GPC6: variants seen among roughly 807,000 people sequenced by gnomAD.
GPC6 encodes the protein glypican 6.
GPC6 carries 14 observed loss-of-function variants against 55.2 expected under a neutral mutation model. The ratio of observed to expected loss-of-function variants is 0.25; its 90% CI spans 0.17 to 0.40. GPC6 has a LOEUF of 0.40. Ranked by LOEUF, GPC6 falls within the 10% of genes least tolerant of loss-of-function variation. The pLI is 1.00. For synonymous variants in GPC6, 278 were observed against 259.6 expected (o/e 1.07, Z -0.68); for missense variants, 641 against 708.5 (o/e 0.90, Z 1.08).
chr13:93,676,126 AATAT>A (rs764101821), intron 2 of GPC6, among the ~76,000 whole-genome samples: 795 of 15,122 alleles, frequency 0.053, 7 homozygotes, highest in Non-Finnish European at 0.11. Flanking sequence ...AAAAAAAAAA[AATAT>A]ATATATATAT....
At chr13:94,259,753 C>T (rs959149533) in intron 4 of GPC6, among the ~76,000 whole-genome samples, 1 of 152,152 alleles carries the variant, frequency 6.6e-6, no homozygotes, top group Non-Finnish European at 1.5e-5. Flanking sequence ...ACTGGAATCA[C>T]ATAGTATTTG....
chr13:94,331,894 A>AGAG (rs1293591317), intron 6 of GPC6, among the ~76,000 whole-genome samples: 1 of 152,266 alleles, frequency 6.6e-6, no homozygotes, highest in African/African-American at 2.4e-5. Context: ...ATTATATCAA[A>AGAG]GAGTTCGTCA....
chr13:93,455,312 G>T (rs2813624), intron 1 of GPC6, among the ~76,000 whole-genome samples: 1 of 152,130 alleles, frequency 6.6e-6, no homozygotes, highest in East Asian at 2.0e-4. Context: ...CCAGAGCGAG[G>T]GAGGGCTGTG....
chr13:93,288,823 C>T (rs149949037), intron 1 of GPC6, among the ~76,000 whole-genome samples: 18 of 152,232 alleles, frequency 1.2e-4, no homozygotes, highest in African/African-American at 4.1e-4. Context: ...AATACTTAGC[C>T]CACTAAGGTG....
At position 93,969,816 on chromosome 13, in the gene GPC6, A is replaced by G. The variant is rs528838814; in HGVS notation, c.712-57913A>G. On this transcript the variant is annotated intron_variant, in intron 3 of 8. Transcript: ENST00000377047. ...TTAGCTCCCACATGTGAATGAGAGC[A>G]TGTGGTATTTGGCTTCCTGTGCCTG... Among the ~76,000 whole-genome samples the G allele has an allele frequency of 5.9e-5, 9 of 152,118 alleles. No homozygotes were observed. The South Asian group carries it at 1.9e-3, about 32-fold the overall frequency.
At chr13:94,112,888 G>A (rs922007151) in intron 4 of GPC6, among the ~76,000 whole-genome samples, 1 of 151,716 alleles carries the variant, frequency 6.6e-6, no homozygotes, top group African/African-American at 2.4e-5. Flanking sequence ...TTTTATTGAT[G>A]ATAGCACATG....
intron 1 of GPC6, among the ~76,000 whole-genome samples, chr13:93,283,276 CT>C (rs894249366): frequency 1.3e-5 from 2 of 152,042 alleles, no homozygotes; most frequent in African/African-American, 2.4e-5. Flanking sequence ...AGGAATGATT[CT>C]TTTTTTCTCA....
intron 3 of GPC6, among the ~76,000 whole-genome samples, chr13:94,023,052 A>G (rs1231889679): frequency 1.3e-5 from 2 of 152,128 alleles, no homozygotes; most frequent in African/African-American, 2.4e-5. Context: ...AAAATAAACA[A>G]AAATCCACAT....
chr13:93,442,862 A>C (rs985418384), intron 1 of GPC6, among the ~76,000 whole-genome samples: 4 of 152,140 alleles, frequency 2.6e-5, no homozygotes, highest in Admixed American at 2.6e-4. Flanking sequence ...AACTATACCT[A>C]TTTAGAAAGT....
intron 6 of GPC6, among the ~76,000 whole-genome samples, chr13:94,338,091 G>GTTCT (rs1877814714): frequency 6.6e-6 from 1 of 152,194 alleles, no homozygotes; most frequent in African/African-American, 2.4e-5. Context: ...TGTGATTGAG[G>GTTCT]TTCTTCCTTA....
At chr13:93,497,064 T>TG (rs1264417372) in intron 1 of GPC6, among the ~76,000 whole-genome samples, 1 of 152,206 alleles carries the variant, frequency 6.6e-6, no homozygotes, top group Non-Finnish European at 1.5e-5. Flanking sequence ...ATGATGACAC[T>TG]GATGCCCTCG....
intron 3 of GPC6, among the ~76,000 whole-genome samples, chr13:93,964,011 C>A (rs911811941): frequency 1.3e-5 from 2 of 152,092 alleles, no homozygotes; most frequent in Non-Finnish European, 2.9e-5. Flanking sequence ...ACTTTGCAAT[C>A]GAGATGCAAC....
intron 2 of GPC6, among the ~76,000 whole-genome samples, chr13:93,551,573 G>T (rs1296339904): frequency 6.6e-6 from 1 of 152,182 alleles, no homozygotes; most frequent in African/African-American, 2.4e-5. Context: ...GCTCCTTAAA[G>T]TCTAAACTAG....
chr13:93,809,670 G>A (rs1456479177), intron 2 of GPC6, among the ~76,000 whole-genome samples: 3 of 152,114 alleles, frequency 2.0e-5, no homozygotes, highest in Admixed American at 6.5e-5. Flanking sequence ...TACAAGCCCC[G>A]TGCAGGAGGC....
intron 6 of GPC6, among the ~76,000 whole-genome samples, chr13:94,343,751 G>A (rs1185043831): frequency 6.6e-6 from 1 of 151,798 alleles, no homozygotes; most frequent in African/African-American, 2.4e-5. Flanking sequence ...TTTTTTTGAG[G>A]CAGGATCTTG....
chr13:93,843,706 T>C (rs1369547377), intron 3 of GPC6, among the ~76,000 whole-genome samples: 3 of 152,176 alleles, frequency 2.0e-5, no homozygotes, highest in Admixed American at 6.5e-5. Context: ...GGCAATTGCA[T>C]AGCAAAGATC....
At chr13:93,597,734 G>A (rs1420150349) in intron 2 of GPC6, among the ~76,000 whole-genome samples, 2 of 151,898 alleles carry the variant, frequency 1.3e-5, no homozygotes, top group African/African-American at 4.8e-5. Flanking sequence ...CTTTTCTCTA[G>A]CTCACTGTAT....
At chr13:94,168,078 T>C (rs1204227623) in intron 4 of GPC6, among the ~76,000 whole-genome samples, 1 of 152,226 alleles carries the variant, frequency 6.6e-6, no homozygotes, top group Non-Finnish European at 1.5e-5. Context: ...AGATAGGCAT[T>C]ATCATCACTG....
At chr13:93,588,625 TTCTG>T (rs1291024209) in intron 2 of GPC6, among the ~76,000 whole-genome samples, 2 of 152,182 alleles carry the variant, frequency 1.3e-5, no homozygotes, top group Non-Finnish European at 2.9e-5. Flanking sequence ...CTGTTTTGGC[TTCTG>T]TGGAGACCTC....
Sources: gnomAD v4.1 joint callset for allele counts (sites outside exome capture counted in the v4.1 genomes callset) on GRCh38, gnomAD v4.1.1 for gene constraint, MANE v1.5 for transcripts, NCBI Gene and HGNC (gene_info 2026-07-23, HGNC 2026-07-21) for gene names.